TRAK1: variants seen among roughly 807,000 people sequenced by gnomAD.
TRAK1 encodes trafficking kinesin protein 1.
A neutral mutation model predicts 92.1 loss-of-function variants in TRAK1; 33 were observed. The observed-to-expected ratio is 0.36, with a 90% CI of 0.27 to 0.48. The LOEUF (loss-of-function observed/expected upper bound fraction) is 0.48, where lower values mean the gene tolerates loss of function less well. Among genes scored for constraint, TRAK1 ranks in the 20% least tolerant of loss-of-function variants. TRAK1 has a pLI of 0.99. For synonymous variants in TRAK1, 521 were observed against 517.3 expected, an observed-to-expected ratio of 1.01 and a Z score of -0.10; for missense variants, 1,123 against 1,257.9, an observed-to-expected ratio of 0.89 and a Z score of 1.62.
chr3:42,017,133 C>T (rs1038942686), intron 1 of TRAK1, among the ~76,000 whole-genome samples: 1 of 152,138 alleles, frequency 6.6e-6, no homozygotes, highest in African/African-American at 2.4e-5. Flanking sequence ...TGGCAGCATG[C>T]GTGTGTAATC....
intron 1 of TRAK1, among the ~76,000 whole-genome samples, chr3:42,092,437 C>T (rs13081115): frequency 1.1e-4 from 16 of 152,102 alleles, no homozygotes; most frequent in Non-Finnish European, 2.4e-4. Context: ...CTGAGGCAAT[C>T]GTACTTATTT....
intron 1 of TRAK1, among the ~76,000 whole-genome samples, chr3:42,032,901 CA>C (rs1479702097): frequency 6.6e-6 from 1 of 152,138 alleles, no homozygotes; most frequent in Non-Finnish European, 1.5e-5. Context: ...CCAGCGTGGA[CA>C]ACAGAGTGAG....
At chr3:42,184,426 C>A (rs562637681) in intron 3 of TRAK1, among the ~76,000 whole-genome samples, 363 of 152,278 alleles carry the variant, frequency 2.4e-3, no homozygotes, top group Non-Finnish European at 3.9e-3. Flanking sequence ...TTTTTTCTTT[C>A]CTGTAGGAAC....
At chr3:42,205,159 T>A (rs1708184708) in intron 13 of TRAK1, among the ~76,000 whole-genome samples, 1 of 152,202 alleles carries the variant, frequency 6.6e-6, no homozygotes, top group Admixed American at 6.5e-5. Flanking sequence ...TGGCATCTAA[T>A]AGGTGCTTAT....
intron 2 of TRAK1, among the ~76,000 whole-genome samples, chr3:42,141,660 G>A (rs1316661390): frequency 6.6e-6 from 1 of 152,126 alleles, no homozygotes; most frequent in Non-Finnish European, 1.5e-5. Context: ...GCAGTTTCTG[G>A]TGGCTGCCGG....
chr3:42,123,020 C>T (rs776325742), intron 1 of TRAK1, among the ~76,000 whole-genome samples: 1 of 152,072 alleles, frequency 6.6e-6, no homozygotes, highest in African/African-American at 2.4e-5. Context: ...TTTGGAAAAC[C>T]ATGCTGACTT....
chr3:42,157,481 A>AAAAAAAAAAAAAAAG (rs1700688972), intron 2 of TRAK1, among the ~76,000 whole-genome samples: 1 of 147,068 alleles, frequency 6.8e-6, no homozygotes, highest in African/African-American at 2.5e-5. Flanking sequence ...AAAAAAAAAA[A>AAAAAAAAAAAAAAAG]AAAAAAAAGG....
intron 2 of TRAK1, among the ~76,000 whole-genome samples, chr3:42,158,770 C>T (rs1166366117): frequency 2.9e-5 from 4 of 139,074 alleles, no homozygotes; most frequent in African/African-American, 1.1e-4. Flanking sequence ...GGTGAAACCC[C>T]GTCTCCACAA....
At chr3:42,037,559 ACAAACAAATGT>A (rs1247609728) in intron 1 of TRAK1, among the ~76,000 whole-genome samples, 1 of 152,242 alleles carries the variant, frequency 6.6e-6, no homozygotes, top group Non-Finnish European at 1.5e-5. Flanking sequence ...ATGCAATTTC[ACAAACAAATGT>A]CAAATTGTAA....
chr3:42,189,169 C>A, intron 6 of TRAK1, 45 bp downstream of exon 6: 2 of 1,440,494 alleles, frequency 1.4e-6, no homozygotes, highest in East Asian at 4.5e-5. Context: ...AGGGTGGTGG[C>A]CCCATTCGCC....
At chr3:42,030,376 T>A (rs373261413) in intron 1 of TRAK1, among the ~76,000 whole-genome samples, 3 of 122,748 alleles carry the variant, frequency 2.4e-5, no homozygotes, top group African/African-American at 5.6e-5. Context: ...AAAAAAAATA[T>A]ATATATATAT....
intron 2 of TRAK1, among the ~76,000 whole-genome samples, chr3:42,165,241 G>A (rs1313097912): frequency 1.3e-5 from 2 of 152,244 alleles, no homozygotes; most frequent in East Asian, 1.9e-4. Context: ...CTTAGGGGTG[G>A]TTGCTAAGAG....
intron 14 of TRAK1, chr3:42,218,554 T>TATGAATGA (rs1709977544): frequency 1.0e-6 from 1 of 985,128 alleles, no homozygotes; most frequent in Admixed American, 6.2e-5. Context: ...ATGCTTGAGT[T>TATGAATGA]ATGAATGAGG....
intron 2 of TRAK1, among the ~76,000 whole-genome samples, chr3:42,142,912 A>G (rs1263767240): frequency 6.6e-6 from 1 of 152,188 alleles, no homozygotes; most frequent in East Asian, 1.9e-4. Flanking sequence ...GATGGCTTTT[A>G]TATACCTTAT....
At chr3:42,039,950 T>C (rs1360796660) in intron 1 of TRAK1, among the ~76,000 whole-genome samples, 1 of 152,212 alleles carries the variant, frequency 6.6e-6, no homozygotes, top group Non-Finnish European at 1.5e-5. Flanking sequence ...ATTGTGGTTT[T>C]GCATTTCAGG....
At position 42,035,448 on chromosome 3, in the gene TRAK1, C is replaced by T. The variant is rs528491390; in HGVS notation, c.-519+21331C>T. Among the ~76,000 whole-genome samples, 5 of 152,260 alleles carry T rather than the reference C, an allele frequency of 3.3e-5. No individual in the cohort carries two copies. In the South Asian group the frequency reaches 1.0e-3, roughly 32 times the overall value. On this transcript the variant is annotated intron_variant, in intron 1 of 16. Coordinates refer to the TRAK1 transcript ENST00000487159. Reference sequence around the variant, plus strand: ...ACCTCCATCGTAGCCTGTACAAACGCTTCCCGGCTGACCACCACTGCCATT... The same window carrying T: ...ACCTCCATCGTAGCCTGTACAAACGTTTCCCGGCTGACCACCACTGCCATT...
intron 1 of TRAK1, among the ~76,000 whole-genome samples, chr3:42,053,969 C>G (rs867809273): frequency 6.6e-6 from 1 of 152,104 alleles, no homozygotes; most frequent in East Asian, 1.9e-4. Flanking sequence ...TGGAATTTCT[C>G]TAAACACTCT....
intron 1 of TRAK1, among the ~76,000 whole-genome samples, chr3:42,042,268 G>A (rs1273672075): frequency 6.6e-6 from 1 of 152,054 alleles, no homozygotes; most frequent in Non-Finnish European, 1.5e-5. Flanking sequence ...AAAGGGTGTT[G>A]AATTTTGTCA....
intron 14 of TRAK1, among the ~76,000 whole-genome samples, chr3:42,215,172 C>T (rs1055288186): frequency 1.3e-5 from 2 of 152,130 alleles, no homozygotes; most frequent in African/African-American, 4.8e-5. Flanking sequence ...AATGAAGAGA[C>T]AGGAAAGTCT....
Sources: gnomAD v4.1 joint callset for allele counts (sites outside exome capture counted in the v4.1 genomes callset) on GRCh38, gnomAD v4.1.1 for gene constraint, MANE v1.5 for transcripts, NCBI Gene and HGNC (gene_info 2026-07-23, HGNC 2026-07-21) for gene names.